The following AKT2 variants were observed in gnomAD, a reference collection of about 807,000 sequenced individuals.
The protein encoded by AKT2 is RAC-beta serine/threonine-protein kinase.
In AKT2, 16 loss-of-function variants were observed where a neutral mutation model predicts 58.6. That is an observed-to-expected ratio of 0.27 (90% CI 0.18 to 0.41). AKT2 has a LOEUF of 0.41. Ranked by LOEUF, AKT2 falls within the 10% of genes least tolerant of loss-of-function variation. The probability of loss-of-function intolerance (pLI) is 1.00; values close to 1 mark genes in which losing one functional copy is unlikely to be tolerated. For synonymous variants in AKT2, 253 were observed against 254.0 expected, an observed-to-expected ratio of 1.00 and a Z score of 0.04; for missense variants, 438 against 661.0, an observed-to-expected ratio of 0.66 and a Z score of 3.70.
Position 40,256,982 on chromosome 19 carries a change from T to A in AKT2, c.119A>T (p.Glu40Val). 6.2e-7 allele frequency: 1 copy of A among 1,614,170 alleles called. No homozygotes were observed. The highest frequency in any genetic ancestry group is 8.5e-7 in the Non-Finnish European group (1 of 1,180,014). ...KSDGSFIGYK[E>V]RPEAPDQTLP... ...AGTCTGATCAGGGGCCTCGGGCCTC[T>A]CCTTGTACCCAATGAAGGAGCCGTC... is the stretch of plus-strand genomic sequence containing the variant. Residue 40 changes from glutamate (E) to valine (V), a missense_variant, in exon 3 of 14, where the codon GAG becomes GTG. Coordinates refer to ENST00000392038, the MANE Select transcript of AKT2 (RefSeq NM_001626.6).
chr19:40,280,235 A>T (rs1157201546), intron 1 of AKT2, among the ~76,000 whole-genome samples: 1 of 152,164 alleles, frequency 6.6e-6, no homozygotes, highest in East Asian at 1.9e-4. Context: ...CTGCGTTGCT[A>T]TTCAGTATTA....
chr19:40,249,866 G>A (rs1600023911), intron 4 of AKT2, among the ~76,000 whole-genome samples: 1 of 152,340 alleles, frequency 6.6e-6, no homozygotes, highest in East Asian at 1.9e-4. Flanking sequence ...CACAGCTGGG[G>A]AAGGGCAAGA....
chr19:40,236,712 G>C (rs1472979287), intron 9 of AKT2: 1 of 380,350 alleles, frequency 2.6e-6, no homozygotes, highest in Admixed American at 3.8e-5. Context: ...TTTTTTTCTA[G>C]ACTTTCTGTC....
Position 40,233,217 on chromosome 19 carries a change from G to A in AKT2, c.*655C>T. On this transcript the variant is annotated 3_prime_UTR_variant, in exon 14 of 14. Coordinates refer to ENST00000392038, the MANE Select transcript of AKT2 (RefSeq NM_001626.6). The surrounding 1 kb of genome is among the most constrained non-coding windows in gnomAD (Gnocchi z 4.3). ...GTTTGGTGGGGAGGAGGCCGGACCA[G>A]GAGGCGGCACCCAGCCCGGCCACTC... is the stretch of plus-strand genomic sequence containing the variant. 2 of 266,288 alleles carry A rather than the reference G, an allele frequency of 7.5e-6. No homozygotes were observed. The highest frequency in any genetic ancestry group is 1.4e-5 in the Non-Finnish European group (2 of 138,224). The allele number at this position is 266,288 out of a possible 1,614,324, so 16.5% of individuals were successfully genotyped here.
In AKT2 at chr19:40,232,572, G is replaced by A. The variant is rs550780505; in HGVS notation, c.*1300C>T. Reference sequence around the variant, plus strand: ...ACACCCAGAGGTGTTGCTACAGGGAGGGGAGGCGTGGGCAGGGCAGCTCAT... The same window carrying A: ...ACACCCAGAGGTGTTGCTACAGGGAAGGGAGGCGTGGGCAGGGCAGCTCAT... On this transcript the variant is annotated 3_prime_UTR_variant, in exon 14 of 14. Coordinates refer to ENST00000392038, the MANE Select transcript of AKT2 (RefSeq NM_001626.6). The A allele has an allele frequency of 2.1e-5, 5 of 233,266 alleles. No individual in the cohort carries two copies. The East Asian group carries it at 3.0e-4, about 14-fold the overall frequency. 14.4% of individuals were successfully genotyped at this position (233,266 alleles called of 1,614,324 possible).
intron 1 of AKT2, among the ~76,000 whole-genome samples, chr19:40,275,660 C>T (rs906147488): frequency 2.2e-4 from 34 of 151,518 alleles, no homozygotes; most frequent in Non-Finnish European, 4.4e-4. Flanking sequence ...AACTAAAGAA[C>T]TGACTTTTTA....
chr19:40,283,086 A>G (rs1301986253), intron 1 of AKT2: 3 of 153,420 alleles, frequency 2.0e-5, no homozygotes, highest in Admixed American at 1.9e-4. Flanking sequence ...CACATGTACA[A>G]AAGCCCTGTC....
rs1344496081 is a variant in AKT2, at chr19:40,235,754, C to T, written c.1175+136G>A. On this transcript the variant is annotated intron_variant, in intron 11 of 13. Transcript: ENST00000392038. This position sits in a 1 kb window ranked among gnomAD's most constrained non-coding sequence, Gnocchi z 6.3. ...AGCACTCCCTAAGTGCCACTGTGGACGTTTTCAGGGGCTGTGTGGGGACGA... is the reference window on the plus strand; with the variant it reads ...AGCACTCCCTAAGTGCCACTGTGGATGTTTTCAGGGGCTGTGTGGGGACGA... 2.1e-5 allele frequency: 19 copies of T among 914,942 alleles called. No homozygotes were observed. Among genetic ancestry groups the T allele is most frequent in the Non-Finnish European group, 2.7e-5 (17 of 619,150 alleles). The allele number at this position is 914,942 out of a possible 1,614,324, so 56.7% of individuals were successfully genotyped here.
chr19:40,276,184 T>C (rs2077319108), intron 1 of AKT2, among the ~76,000 whole-genome samples: 1 of 151,548 alleles, frequency 6.6e-6, no homozygotes, highest in Admixed American at 6.6e-5. Context: ...TCCCATGCTA[T>C]ACCCCATCTC....
At chr19:40,275,607 C>G (rs949110706) in intron 1 of AKT2, 6 of 282,250 alleles carry the variant, frequency 2.1e-5, no homozygotes, top group South Asian at 2.1e-4. Context: ...CTTTCCATAA[C>G]GACAGAAATG....
At chr19:40,270,541 T>C (rs572205864) in intron 1 of AKT2, 1 of 152,242 alleles carries the variant, frequency 6.6e-6, no homozygotes, top group East Asian at 1.9e-4. Flanking sequence ...GGGAGGCAGG[T>C]GGGGAAGCAG....
In AKT2 at chr19:40,232,707, G is replaced by A. The variant is rs1022529138; in HGVS notation, c.*1165C>T. 1.7e-5 allele frequency: 4 copies of A among 233,358 alleles called. No homozygotes were observed. The highest frequency in any genetic ancestry group is 4.4e-5 in the African/African-American group (2 of 45,320). 14.5% of individuals were successfully genotyped at this position (233,358 alleles called of 1,614,324 possible). On this transcript the variant is annotated 3_prime_UTR_variant, in exon 14 of 14. Coordinates refer to ENST00000392038, the MANE Select transcript of AKT2 (RefSeq NM_001626.6). Reference sequence around the variant, plus strand: ...ACACACCATGCACACTGGAGGACACGCTGCCCTCACACAAACACACATGCA... The same window carrying A: ...ACACACCATGCACACTGGAGGACACACTGCCCTCACACAAACACACATGCA...
At chr19:40,251,464 G>A (rs1447218620) in intron 4 of AKT2, among the ~76,000 whole-genome samples, 1 of 151,834 alleles carries the variant, frequency 6.6e-6, no homozygotes, top group African/African-American at 2.4e-5. Context: ...ACAAACATGG[G>A]GAACAAAAGT....
Position 40,237,697 on chromosome 19 carries a change from C to T in AKT2, c.831+272G>A. 1 of 472,076 alleles carries T rather than the reference C, an allele frequency of 2.1e-6. No individual in the cohort carries two copies. The highest frequency in any genetic ancestry group is 3.9e-6 in the Non-Finnish European group (1 of 254,372). 29.2% of individuals were successfully genotyped at this position (472,076 alleles called of 1,614,324 possible). ...GTGGCAGTTGACACTCCGCTAGTGG[C>T]CTAGGAGCGCTCATGGGAGGCTTGG... On this transcript the variant is annotated intron_variant, in intron 9 of 13. Transcript: ENST00000392038. The surrounding 1 kb of genome is among the most constrained non-coding windows in gnomAD (Gnocchi z 4.5).
At chr19:40,266,953 C>T (rs1480258766) in intron 1 of AKT2, among the ~76,000 whole-genome samples, 2 of 152,100 alleles carry the variant, frequency 1.3e-5, no homozygotes, top group African/African-American at 4.8e-5. Flanking sequence ...CAGAATGAGA[C>T]CCTGTCTCAA....
chr19:40,241,859 T>TA lies in AKT2; in HGVS notation c.573+78dup, dbSNP rs1370360928. On this transcript the variant is annotated intron_variant, in intron 6 of 13. Transcript: ENST00000392038. ...AGCCCACAGCAGCAGAAAGCGCGGG[T>TA]AAGCGTCCAGGCCTCAGGGTCAGGC... 52 of 1,600,014 alleles carry TA rather than the reference T, an allele frequency of 3.2e-5. No homozygotes were observed. In the African/African-American group the frequency reaches 6.3e-4, roughly 19 times the overall value.
At chr19:40,248,792 G>A (rs961591877) in intron 4 of AKT2, among the ~76,000 whole-genome samples, 1 of 150,376 alleles carries the variant, frequency 6.6e-6, no homozygotes, top group Non-Finnish European at 1.5e-5. Flanking sequence ...ACAGGGAGGA[G>A]TGGAGGAGAT....
intron 2 of AKT2, among the ~76,000 whole-genome samples, chr19:40,259,733 G>A (rs946980222): frequency 1.3e-5 from 2 of 152,144 alleles, no homozygotes; most frequent in African/African-American, 2.4e-5. Flanking sequence ...ACAACAAAAA[G>A]ACAAACTGCC....
intron 1 of AKT2, chr19:40,275,408 G>T (rs1045996164): frequency 2.3e-6 from 1 of 429,644 alleles, no homozygotes; most frequent in Admixed American, 2.5e-5. Context: ...TCTGCATCAA[G>T]GCTAATACTC....
Sources: allele counts gnomAD v4.1 joint callset (sites outside exome capture counted in the v4.1 genomes callset), GRCh38; gene constraint gnomAD v4.1.1; non-coding constraint Gnocchi (gnomAD v3.1); transcripts MANE v1.5; gene names NCBI Gene and HGNC (gene_info 2026-07-23, HGNC 2026-07-21).